Variants in KATNBL1 observed in about 807,000 individuals in gnomAD.
The protein encoded by KATNBL1 is katanin regulatory subunit B1 like 1, also known as KATNB1-like protein 1.
A neutral mutation model predicts 44.7 loss-of-function variants in KATNBL1; 28 were observed. That is an observed-to-expected ratio of 0.63 (90% CI 0.46 to 0.86). KATNBL1 has a LOEUF of 0.86. KATNBL1 is among the 40% of genes least tolerant of loss of function. The probability of loss-of-function intolerance (pLI) is 0.00; values close to 1 mark genes in which losing one functional copy is unlikely to be tolerated. For synonymous variants in KATNBL1, 78 were observed against 114.9 expected (o/e 0.68, Z 2.06); for missense variants, 272 against 350.7 (o/e 0.78, Z 1.79).
At chr15:34,156,660 G>T (rs780535107) in intron 2 of KATNBL1, among the ~76,000 whole-genome samples, 1 of 152,126 alleles carries the variant, frequency 6.6e-6, no homozygotes, top group Non-Finnish European at 1.5e-5. Context: ...TGTAGGCGGT[G>T]GGGGAGCAAT....
chr15:34,175,435 T>C (rs1597446673), intron 1 of KATNBL1, among the ~76,000 whole-genome samples: 1 of 152,212 alleles, frequency 6.6e-6, no homozygotes. Context: ...TATGTGTTTT[T>C]AAAGAATCTA....
Position 34,146,797 on chromosome 15 carries a change from G to C in KATNBL1, c.752C>G (p.Ser251Ter). Reference protein sequence around the residue: ...WLQAVIKRWWSELSSKTEIIN... With the variant: ...WLQAVIKRWW ...AATTTCTGTTTTGGATGATAGTTCT[G>C]ACCACCACCTTTTAATGACTGCTTG... Residue 251 changes from serine to a stop codon, truncating the protein, a stop_gained, in exon 8 of 10, where the codon TCA becomes TGA. Transcript: ENST00000256544. LOFTEE classifies it high-confidence loss of function. 1.2e-6 allele frequency: 2 copies of C among 1,607,618 alleles called. No homozygotes were observed. The highest frequency in any genetic ancestry group is 1.7e-6 in the Non-Finnish European group (2 of 1,174,274).
chr15:34,188,384 C>T (rs567354023), intron 1 of KATNBL1, among the ~76,000 whole-genome samples: 8 of 151,796 alleles, frequency 5.3e-5, no homozygotes, highest in East Asian at 1.9e-4. Context: ...GATGAAAACC[C>T]GTCTGTACTA....
At chr15:34,188,567 A>T (rs557034391) in intron 1 of KATNBL1, among the ~76,000 whole-genome samples, 46 of 152,294 alleles carry the variant, frequency 3.0e-4, no homozygotes, top group African/African-American at 1.0e-3. Flanking sequence ...AAAAGGGGGA[A>T]GAAAAAAAGT....
intron 1 of KATNBL1, among the ~76,000 whole-genome samples, chr15:34,184,020 A>T (rs1430756386): frequency 6.6e-6 from 1 of 151,862 alleles, no homozygotes; most frequent in Non-Finnish European, 1.5e-5. Context: ...AACACAAAAA[A>T]CTGCCGGGCG....
intron 1 of KATNBL1, among the ~76,000 whole-genome samples, chr15:34,179,995 T>C (rs60749797): frequency 0.33 from 49,552 of 152,080 alleles, 8,509 homozygotes; most frequent in African/African-American, 0.45. Flanking sequence ...TATTTTAACT[T>C]TTCCAAAATT....
At chr15:34,146,558 T>C (rs560864951) in intron 8 of KATNBL1, 121 of 508,168 alleles carry the variant, frequency 2.4e-4, no homozygotes, top group Admixed American at 6.9e-4. Flanking sequence ...GAAGAAGAGA[T>C]ACAGGAGGTT....
chr15:34,153,598 G>GTC (rs1280344823), intron 3 of KATNBL1, among the ~76,000 whole-genome samples: 1 of 150,992 alleles, frequency 6.6e-6, no homozygotes, highest in African/African-American at 2.4e-5. Flanking sequence ...TTGAGATGCA[G>GTC]TCTCTCTCTG....
At position 34,152,915 on chromosome 15, in the gene KATNBL1, C is replaced by T; in HGVS notation, c.313G>A (p.Ala105Thr). The T allele has an allele frequency of 6.2e-7, 1 of 1,614,068 alleles. No homozygotes were observed. The highest frequency in any genetic ancestry group is 8.5e-7 in the Non-Finnish European group (1 of 1,179,948). ...TTTTCAGGCAGGTGGCCTGCACAAG[C>T]CAGTTCATTTTCTTTATTTGCCATG... ...CDMANKENELACAGHLPEKLH... is the reference protein window; with the variant it reads ...CDMANKENELTCAGHLPEKLH... Residue 105 changes from alanine (A) to threonine (T), a missense_variant, in exon 4 of 10, where the codon GCT becomes ACT. By Grantham distance (58) the Ala-to-Thr change is moderately conservative. Transcript: ENST00000256544.
chr15:34,206,846 T>G (rs1890306965), intron 1 of KATNBL1, among the ~76,000 whole-genome samples: 1 of 151,974 alleles, frequency 6.6e-6, no homozygotes, highest in Non-Finnish European at 1.5e-5. Flanking sequence ...TTAAAAAGTG[T>G]ATGCTCCCAG....
chr15:34,164,109 A>G (rs950809911), intron 1 of KATNBL1, among the ~76,000 whole-genome samples: 5 of 152,072 alleles, frequency 3.3e-5, no homozygotes, highest in Admixed American at 6.5e-5. Flanking sequence ...GTTCAGGCTG[A>G]TCTCATACTC....
chr15:34,176,844 T>C (rs1223066464), intron 1 of KATNBL1, among the ~76,000 whole-genome samples: 1 of 152,232 alleles, frequency 6.6e-6, no homozygotes, highest in Non-Finnish European at 1.5e-5. Context: ...GTCTCATATA[T>C]TTGACAGCAC....
chr15:34,188,248 G>C (rs1889778735), intron 1 of KATNBL1, among the ~76,000 whole-genome samples: 1 of 149,372 alleles, frequency 6.7e-6, no homozygotes, highest in Non-Finnish European at 1.5e-5. Context: ...CTACTCAGCT[G>C]TTAAAGGCTA....
At chr15:34,143,165 G>T in intron 9 of KATNBL1, 1 of 457,746 alleles carries the variant, frequency 2.2e-6, no homozygotes, top group Non-Finnish European at 3.4e-6. Context: ...TCACAATAAA[G>T]CTTTTCCCTT....
intron 1 of KATNBL1, among the ~76,000 whole-genome samples, chr15:34,169,938 T>G (rs1889107330): frequency 6.6e-6 from 1 of 152,176 alleles, no homozygotes; most frequent in Non-Finnish European, 1.5e-5. Context: ...GAATCATATC[T>G]CAAAATAATA....
chr15:34,207,094 C>G (rs1410104484), intron 1 of KATNBL1, among the ~76,000 whole-genome samples: 3 of 149,762 alleles, frequency 2.0e-5, no homozygotes, highest in African/African-American at 7.4e-5. Flanking sequence ...GGCTGGAGTG[C>G]AGTGATATGA....
chr15:34,143,591 TA>T (rs1888215538), intron 9 of KATNBL1, among the ~76,000 whole-genome samples: 1 of 151,706 alleles, frequency 6.6e-6, no homozygotes, highest in Non-Finnish European at 1.5e-5. Context: ...ATGTATGCTC[TA>T]AAAACCTAAA....
chr15:34,156,805 G>C (rs1294074139), intron 2 of KATNBL1, among the ~76,000 whole-genome samples: 1 of 152,204 alleles, frequency 6.6e-6, no homozygotes, highest in Admixed American at 6.5e-5. Context: ...GCCTGTACTG[G>C]ATTGTACTGA....
At chr15:34,194,388 C>T (rs1889976328) in intron 1 of KATNBL1, among the ~76,000 whole-genome samples, 1 of 151,962 alleles carries the variant, frequency 6.6e-6, no homozygotes, top group African/African-American at 2.4e-5. Context: ...GCGGGAGTAG[C>T]ACTTGAGCCC....
Sources: gnomAD v4.1 joint callset for allele counts (sites outside exome capture counted in the v4.1 genomes callset) on GRCh38, gnomAD v4.1.1 for gene constraint, MANE v1.5 for transcripts, NCBI Gene and HGNC (gene_info 2026-07-23, HGNC 2026-07-21) for gene names.